Variants in FAF1 observed in about 807,000 individuals in gnomAD.
FAF1 encodes Fas associated factor 1, also known as FAS-associated factor 1.
Under a neutral mutation model 92.5 loss-of-function variants are expected in FAF1, and 25 were observed. That is an observed-to-expected ratio of 0.27 (90% CI 0.20 to 0.38). The LOEUF (loss-of-function observed/expected upper bound fraction) is 0.38. Among genes scored for constraint, FAF1 ranks in the 10% least tolerant of loss-of-function variants. FAF1 has a pLI of 1.00. For synonymous variants in FAF1, 234 were observed against 273.2 expected (o/e 0.86, Z 1.42); for missense variants, 636 against 793.3 (o/e 0.80, Z 2.38).
chr1:50,819,638 T>TCTCACTCACACACA (rs1553142956), intron 2 of FAF1, among the ~76,000 whole-genome samples: 1 of 97,822 alleles, frequency 1.0e-5, no homozygotes, highest in African/African-American at 4.4e-5. Flanking sequence ...ACTGACTCAC[T>TCTCACTCACACACA]CACACACACA....
chr1:50,577,474 G>C (rs148776882), intron 12 of FAF1, among the ~76,000 whole-genome samples: 1 of 152,184 alleles, frequency 6.6e-6, no homozygotes, highest in South Asian at 2.1e-4. Context: ...GCAGTGAGCC[G>C]AGATGGCGCC....
intron 1 of FAF1, among the ~76,000 whole-genome samples, chr1:50,952,826 G>A (rs537574680): frequency 9.4e-5 from 14 of 148,966 alleles, no homozygotes; most frequent in Admixed American, 6.0e-4. Context: ...GAGCCCCTCC[G>A]CCCGGCAGCC....
intron 15 of FAF1, among the ~76,000 whole-genome samples, chr1:50,519,790 A>G (rs558381673): frequency 6.6e-6 from 1 of 152,312 alleles, no homozygotes; most frequent in Non-Finnish European, 1.5e-5. Context: ...TCTTTCTTCT[A>G]GAAGATACTT....
chr1:50,480,691 G>C (rs188223049), intron 17 of FAF1, among the ~76,000 whole-genome samples: 3 of 152,298 alleles, frequency 2.0e-5, no homozygotes, highest in Admixed American at 2.0e-4. Context: ...ATAAACCATG[G>C]AGGTCTCGTA....
At chr1:50,807,651 C>T (rs1332735451) in intron 2 of FAF1, among the ~76,000 whole-genome samples, 2 of 151,978 alleles carry the variant, frequency 1.3e-5, no homozygotes, top group East Asian at 1.9e-4. Flanking sequence ...AGGAAATCAA[C>T]CAAAGAGAGG....
chr1:50,735,363 G>A (rs1659094802), intron 6 of FAF1, among the ~76,000 whole-genome samples: 1 of 152,110 alleles, frequency 6.6e-6, no homozygotes, highest in Non-Finnish European at 1.5e-5. Context: ...CTTTTCAACT[G>A]TTACAAAGAT....
intron 7 of FAF1, among the ~76,000 whole-genome samples, chr1:50,667,674 T>A (rs181165849): frequency 3.3e-4 from 50 of 152,354 alleles, no homozygotes; most frequent in Admixed American, 2.2e-3. Flanking sequence ...CAAATTAAGC[T>A]ACTTGCCTAA....
intron 15 of FAF1, among the ~76,000 whole-genome samples, chr1:50,527,261 A>G (rs1403672550): frequency 6.6e-6 from 1 of 152,086 alleles, no homozygotes; most frequent in Non-Finnish European, 1.5e-5. Flanking sequence ...GCTTCTTTTC[A>G]TGTGCTATTG....
chr1:50,816,700 G>C (rs930923198), intron 2 of FAF1, among the ~76,000 whole-genome samples: 2 of 152,102 alleles, frequency 1.3e-5, no homozygotes, highest in African/African-American at 4.8e-5. Context: ...GGTTTCACTT[G>C]TCAATTTTTG....
At chr1:50,542,377 T>C (rs1426989843) in intron 13 of FAF1, among the ~76,000 whole-genome samples, 1 of 152,180 alleles carries the variant, frequency 6.6e-6, no homozygotes, top group African/African-American at 2.4e-5. Context: ...AGACTCTGCT[T>C]CTTCCTCCCA....
intron 15 of FAF1, among the ~76,000 whole-genome samples, chr1:50,493,234 T>C (rs921475847): frequency 4.6e-5 from 7 of 152,122 alleles, no homozygotes; most frequent in Non-Finnish European, 1.0e-4. Context: ...GGTTTCACCA[T>C]ATTAGCCAGG....
At chr1:50,514,147 A>C (rs1395635243) in intron 15 of FAF1, among the ~76,000 whole-genome samples, 1 of 152,224 alleles carries the variant, frequency 6.6e-6, no homozygotes, top group African/African-American at 2.4e-5. Flanking sequence ...CTAAGGAATG[A>C]TATTTACCTC....
At chr1:50,892,432 C>T (rs562750196) in intron 1 of FAF1, among the ~76,000 whole-genome samples, 8 of 152,320 alleles carry the variant, frequency 5.3e-5, no homozygotes, top group African/African-American at 1.2e-4. Context: ...TCTTCTGTGT[C>T]GCTCACACTG....
chr1:50,822,987 T>C (rs1644059101), intron 2 of FAF1, among the ~76,000 whole-genome samples: 1 of 152,114 alleles, frequency 6.6e-6, no homozygotes. Context: ...TTGGTGAGGC[T>C]GGTCTCCAAC....
chr1:50,716,862 G>T (rs1658198352), intron 6 of FAF1, among the ~76,000 whole-genome samples: 1 of 152,150 alleles, frequency 6.6e-6, no homozygotes, highest in Non-Finnish European at 1.5e-5. Context: ...GACCCACTCG[G>T]GTCCCCTTCC....
intron 4 of FAF1, among the ~76,000 whole-genome samples, chr1:50,781,463 T>C (rs941896577): frequency 6.6e-6 from 1 of 152,134 alleles, no homozygotes; most frequent in Admixed American, 6.5e-5. Context: ...AAGATATCCA[T>C]AAATATATAT....
chr1:50,818,534 T>A (rs928472882), intron 2 of FAF1, among the ~76,000 whole-genome samples: 3 of 152,176 alleles, frequency 2.0e-5, no homozygotes, highest in African/African-American at 7.2e-5. Flanking sequence ...CATTCAATAA[T>A]CAAAATGAAT....
chr1:50,549,405 C>T (rs760339896), intron 13 of FAF1, among the ~76,000 whole-genome samples: 3 of 152,038 alleles, frequency 2.0e-5, no homozygotes, highest in Non-Finnish European at 4.4e-5. Context: ...AACTCCTGGG[C>T]TCAAGCGATC....
chr1:50,707,872 T>C (rs935518072), intron 6 of FAF1, among the ~76,000 whole-genome samples: 4 of 152,236 alleles, frequency 2.6e-5, no homozygotes, highest in Non-Finnish European at 5.9e-5. Context: ...GAAACTACCA[T>C]AGGAGTTAAG....
Sources: allele counts gnomAD v4.1 joint callset (sites outside exome capture counted in the v4.1 genomes callset), GRCh38; gene constraint gnomAD v4.1.1; transcripts MANE v1.5; gene names NCBI Gene and HGNC (gene_info 2026-07-23, HGNC 2026-07-21).